The following SLC24A2 variants were observed in gnomAD, a reference collection of about 807,000 sequenced individuals.
SLC24A2 encodes the protein solute carrier family 24 member 2, also known as sodium/potassium/calcium exchanger 2.
SLC24A2 carries 36 observed loss-of-function variants against 62.0 expected under a neutral mutation model. That is an observed-to-expected ratio of 0.58 (90% confidence interval 0.44 to 0.77). The LOEUF (loss-of-function observed/expected upper bound fraction) is 0.77. SLC24A2 is among the 30% of genes least tolerant of loss of function. The pLI, the probability that SLC24A2 is intolerant of heterozygous loss-of-function variation, is 0.00. For missense variants in SLC24A2, 846 were observed against 817.9 expected (o/e 1.03, Z -0.42); for synonymous variants, 358 against 294.0 (o/e 1.22, Z -2.23).
At chr9:19,756,019 C>CA (rs1430650825) in intron 2 of SLC24A2, among the ~76,000 whole-genome samples, 1 of 152,152 alleles carries the variant, frequency 6.6e-6, no homozygotes, top group Non-Finnish European at 1.5e-5. Flanking sequence ...CTATCATGAT[C>CA]AGGTTTATGA....
At chr9:20,263,130 C>G in the SLC24A2 span, among the ~76,000 whole-genome samples, 2 of 152,310 alleles carry the variant, frequency 1.3e-5, no homozygotes, top group South Asian at 4.1e-4. Flanking sequence ...CATTTCAAAA[C>G]TCATGTGTAC....
chr9:19,936,398 A>G, the SLC24A2 span, among the ~76,000 whole-genome samples: 2 of 152,124 alleles, frequency 1.3e-5, no homozygotes, highest in African/African-American at 4.8e-5. Context: ...TTCAGCCTCC[A>G]GAGTAGCTGT....
chr9:19,817,184 C>T, the SLC24A2 span, among the ~76,000 whole-genome samples: 1 of 152,004 alleles, frequency 6.6e-6, no homozygotes, highest in African/African-American at 2.4e-5. Flanking sequence ...GGCAACTTCA[C>T]TCTTAAATCT....
chr9:20,163,961 T>C, the SLC24A2 span, among the ~76,000 whole-genome samples: 8 of 151,994 alleles, frequency 5.3e-5, no homozygotes, highest in Admixed American at 1.3e-4. Context: ...CCCTTCCTTA[T>C]ATCTTATACA....
intron 5 of SLC24A2, among the ~76,000 whole-genome samples, chr9:19,577,705 T>C (rs963884697): frequency 6.6e-6 from 1 of 151,992 alleles, no homozygotes; most frequent in African/African-American, 2.4e-5. Context: ...ATGTTGGTGA[T>C]GAGATGCTTT....
chr9:19,788,511 T>C, intron 1 of SLC24A2: 2 of 985,388 alleles, frequency 2.0e-6, no homozygotes, highest in Non-Finnish European at 2.4e-6. Context: ...GGAAAATAAA[T>C]CTAAAGGACA....
chr9:19,760,386 A>G (rs1018598205), intron 2 of SLC24A2, among the ~76,000 whole-genome samples: 2 of 152,052 alleles, frequency 1.3e-5, no homozygotes, highest in Non-Finnish European at 2.9e-5. Context: ...TTTTTATTAT[A>G]CTTTAAATTC....
At chr9:19,985,535 T>G in the SLC24A2 span, among the ~76,000 whole-genome samples, 31 of 152,154 alleles carry the variant, frequency 2.0e-4, no homozygotes, top group Non-Finnish European at 3.5e-4. Context: ...AACAAAGCTA[T>G]ATTGACTTAA....
chr9:20,272,819 C>T, the SLC24A2 span, among the ~76,000 whole-genome samples: 2 of 152,102 alleles, frequency 1.3e-5, no homozygotes, highest in African/African-American at 4.8e-5. Context: ...TTATCAGAGG[C>T]CCACTGAGAA....
chr9:20,181,851 C>G, the SLC24A2 span, among the ~76,000 whole-genome samples: 1 of 152,130 alleles, frequency 6.6e-6, no homozygotes, highest in African/African-American at 2.4e-5. Context: ...AATAGGCAAC[C>G]TATAGAATGG....
chr9:19,707,644 A>T (rs1820573383), intron 2 of SLC24A2, among the ~76,000 whole-genome samples: 1 of 152,218 alleles, frequency 6.6e-6, no homozygotes, highest in African/African-American at 2.4e-5. Context: ...ACAGAACCAA[A>T]GACAAAAACC....
chr9:19,816,961 G>T, the SLC24A2 span, among the ~76,000 whole-genome samples: 1 of 152,112 alleles, frequency 6.6e-6, no homozygotes, highest in Non-Finnish European at 1.5e-5. Flanking sequence ...ACTCCATGAT[G>T]TACCACAGCA....
chr9:19,545,482 T>C (rs968362325), intron 8 of SLC24A2, among the ~76,000 whole-genome samples: 6 of 151,950 alleles, frequency 3.9e-5, no homozygotes, highest in Admixed American at 2.0e-4. Context: ...TGGTGAGGAG[T>C]TGTCATCCTT....
chr9:19,552,463 G>A (rs548394402), intron 7 of SLC24A2, among the ~76,000 whole-genome samples: 1 of 152,268 alleles, frequency 6.6e-6, no homozygotes, highest in East Asian at 1.9e-4. Flanking sequence ...ATAGGCATGG[G>A]AGCCTTGGGG....
At chr9:20,106,758 A>T in the SLC24A2 span, among the ~76,000 whole-genome samples, 1 of 152,162 alleles carries the variant, frequency 6.6e-6, no homozygotes. Context: ...AATGGACAAA[A>T]ACTGGAAGCA....
the SLC24A2 span, among the ~76,000 whole-genome samples, chr9:20,288,226 A>C: frequency 6.6e-6 from 1 of 152,180 alleles, no homozygotes; most frequent in African/African-American, 2.4e-5. Context: ...TATTTTCTGC[A>C]TCTGCCTGTA....
chr9:19,854,897 G>C, the SLC24A2 span, among the ~76,000 whole-genome samples: 1 of 152,136 alleles, frequency 6.6e-6, no homozygotes, highest in African/African-American at 2.4e-5. Context: ...GGGTGTTAAA[G>C]TCTCCCACTA....
chr9:19,833,137 C>A, the SLC24A2 span, among the ~76,000 whole-genome samples: 1 of 152,294 alleles, frequency 6.6e-6, no homozygotes, highest in Admixed American at 6.5e-5. Context: ...CAGTCTACAG[C>A]TCCCAGCATG....
the SLC24A2 span, among the ~76,000 whole-genome samples, chr9:20,230,463 T>C: frequency 2.6e-5 from 4 of 152,228 alleles, no homozygotes; most frequent in African/African-American, 7.2e-5. Context: ...GTGGTTTTGA[T>C]TTGCATTTCT....
Sources: allele counts gnomAD v4.1 joint callset (sites outside exome capture counted in the v4.1 genomes callset), GRCh38; gene constraint gnomAD v4.1.1; transcripts MANE v1.5; gene names NCBI Gene and HGNC (gene_info 2026-07-23, HGNC 2026-07-21).